Variants in SRGAP2C observed in about 807,000 individuals in gnomAD.
The protein encoded by SRGAP2C is SLIT-ROBO Rho GTPase activating protein 2C, also known as SLIT-ROBO Rho GTPase-activating protein 2C.
A neutral mutation model predicts 25.1 loss-of-function variants in SRGAP2C; 15 were observed. That is an observed-to-expected ratio of 0.60 (90% confidence interval 0.40 to 0.92). The LOEUF is 0.92. Among genes scored for constraint, SRGAP2C ranks in the 40% least tolerant of loss-of-function variants. SRGAP2C has a pLI of 0.00. For synonymous variants in SRGAP2C, 44 were observed against 96.6 expected, an observed-to-expected ratio of 0.46 and a Z score of 3.19; for missense variants, 144 against 264.4, an observed-to-expected ratio of 0.54 and a Z score of 3.16.
At chr1:121,371,031 T>A (rs1553350952) in intron 5 of SRGAP2C, among the ~76,000 whole-genome samples, 1 of 152,126 alleles carries the variant, frequency 6.6e-6, no homozygotes, top group African/African-American at 2.4e-5. Context: ...AATATGTGAT[T>A]TCAGTGTTTA....
Position 121,294,606 on chromosome 1 carries a change from A to T in SRGAP2C, c.260+9611A>T, listed in dbSNP as rs1414693537. 1.7e-4 allele frequency among the ~76,000 whole-genome samples: 13 copies of T among 76,276 alleles called. 4 individuals are homozygous for T. The highest frequency in any genetic ancestry group is 7.9e-4 in the Admixed American group (6 of 7,548). 50.0% of individuals were successfully genotyped at this position (76,276 alleles called of 152,430 possible). A position where few individuals can be genotyped will look rare whatever the true frequency, so the allele number is the denominator to read the frequency against. On this transcript the variant is annotated intron_variant, in intron 3 of 9. Transcript: ENST00000367123. ...GCATTGGCTGTTTTTTTTTTTTTTT[A>T]AATAGACTTCCTGTAAATTACCTTT...
At chr1:121,270,988 G>A (rs1553335238) in intron 2 of SRGAP2C, among the ~76,000 whole-genome samples, 3 of 151,156 alleles carry the variant, frequency 2.0e-5, no homozygotes, top group Non-Finnish European at 3.0e-5. Context: ...TAGTAGAGAC[G>A]GGGTTTCACT....
chr1:121,297,217 T>C (rs1199919370), intron 3 of SRGAP2C, among the ~76,000 whole-genome samples: 3 of 143,866 alleles, frequency 2.1e-5, no homozygotes, highest in Admixed American at 7.1e-5. Flanking sequence ...TGAGTCCTTT[T>C]TGGAGGAAGA....
At chr1:121,305,463 C>T (rs1446230964) in intron 3 of SRGAP2C, among the ~76,000 whole-genome samples, 5 of 51,842 alleles carry the variant, frequency 9.6e-5, no homozygotes, top group Non-Finnish European at 1.8e-4. Flanking sequence ...CATGCTTTGG[C>T]CTCTCTAATA....
rs782049420 is a variant in SRGAP2C, at chr1:121,374,882, C to T, written c.759C>T (p.Tyr253=). 2.6e-6 allele frequency: 2 copies of T among 779,468 alleles called. No homozygotes were observed. The highest frequency in any genetic ancestry group is 1.7e-5 in the African/African-American group (1 of 59,098). 48.3% of individuals were successfully genotyped at this position (779,468 alleles called of 1,614,324 possible). ...AGGCCATCAAAGCCCAGAATGAGTA[C>T]TTGCTGGCTTTGGAGGCAACCAATG... ...KLKAIKAQNE[Y]LLALEATNAS... Residue 253 remains tyrosine, a synonymous_variant, in exon 7 of 10, where the codon TAC becomes TAT. Coordinates refer to ENST00000367123, the MANE Select transcript of SRGAP2C (RefSeq NM_001329984.2).
intron 2 of SRGAP2C, among the ~76,000 whole-genome samples, chr1:121,219,062 C>G (rs1232121508): frequency 6.6e-6 from 1 of 152,098 alleles, no homozygotes; most frequent in African/African-American, 2.4e-5. Flanking sequence ...CATTCAACCT[C>G]TTTTTCATAG....
chr1:121,299,370 GAAA>G (rs1168458130), intron 3 of SRGAP2C, among the ~76,000 whole-genome samples: 1 of 141,746 alleles, frequency 7.1e-6, no homozygotes, highest in Non-Finnish European at 1.5e-5. Context: ...TAGAGAGAAT[GAAA>G]AAAAAAGTAG....
intron 3 of SRGAP2C, among the ~76,000 whole-genome samples, chr1:121,292,207 C>T (rs1553337751): frequency 1.3e-3 from 201 of 151,394 alleles, no homozygotes; most frequent in Non-Finnish European, 2.6e-3. Context: ...TGAGTTCTGC[C>T]CTTATCTTAG....
chr1:121,279,511 C>T (rs1657193943), intron 2 of SRGAP2C, among the ~76,000 whole-genome samples: 1 of 151,506 alleles, frequency 6.6e-6, no homozygotes, highest in Non-Finnish European at 1.5e-5. Context: ...AGGGCCCTGC[C>T]TGTTTTTGTT....
At chr1:121,222,586 C>A (rs587693248) in intron 2 of SRGAP2C, among the ~76,000 whole-genome samples, 27 of 152,240 alleles carry the variant, frequency 1.8e-4, no homozygotes, top group African/African-American at 5.5e-4. Context: ...GTAATCATGC[C>A]TCTACACTCT....
At chr1:121,295,710 GAAAT>G (rs1657581424) in intron 3 of SRGAP2C, among the ~76,000 whole-genome samples, 1 of 151,996 alleles carries the variant, frequency 6.6e-6, no homozygotes, top group Non-Finnish European at 1.5e-5. Flanking sequence ...ATCTTTAAAA[GAAAT>G]AGAGAGGGGC....
At chr1:121,223,058 C>T (rs1159898682) in intron 2 of SRGAP2C, among the ~76,000 whole-genome samples, 2 of 152,106 alleles carry the variant, frequency 1.3e-5, no homozygotes, top group African/African-American at 2.4e-5. Context: ...ATAAAGACTT[C>T]TTCTTCCGAA....
chr1:121,272,405 C>A (rs1345937834), intron 2 of SRGAP2C, among the ~76,000 whole-genome samples: 1 of 151,656 alleles, frequency 6.6e-6, no homozygotes, highest in Non-Finnish European at 1.5e-5. Flanking sequence ...GTTCCAGGGT[C>A]AGACTTTTCT....
rs1659753213 is a variant in SRGAP2C at position 121,379,344 on chromosome 1, AC to A, written c.832-3356del. Among the ~76,000 whole-genome samples the A allele has an allele frequency of 2.7e-5, 4 of 150,864 alleles. No homozygotes were observed. In the South Asian group the frequency reaches 8.5e-4, roughly 32 times the overall value. Reference sequence around the variant, plus strand: ...CTGGATGGGCTGTCATTAACTTCTTACAAAAATTTGATTTCCCCTGAGAGAT... The same window carrying A: ...CTGGATGGGCTGTCATTAACTTCTTAAAAAATTTGATTTCCCCTGAGAGAT... On this transcript the variant is annotated intron_variant, in intron 7 of 9. Coordinates refer to ENST00000367123, the MANE Select transcript of SRGAP2C (RefSeq NM_001329984.2).
intron 3 of SRGAP2C, among the ~76,000 whole-genome samples, chr1:121,323,403 G>T (rs1303107830): frequency 3.9e-5 from 6 of 151,944 alleles, no homozygotes; most frequent in Admixed American, 3.3e-4. Flanking sequence ...ATCACATGAG[G>T]TCGGGAGTTC....
chr1:121,329,176 A>C (rs1165820145), intron 4 of SRGAP2C, among the ~76,000 whole-genome samples: 2 of 150,584 alleles, frequency 1.3e-5, no homozygotes, highest in Non-Finnish European at 3.0e-5. Context: ...ATGCTGTTGC[A>C]CTTCAGTCTA....
chr1:121,335,391 A>AAATAAAT (rs1658492086), intron 4 of SRGAP2C, among the ~76,000 whole-genome samples: 3 of 135,314 alleles, frequency 2.2e-5, no homozygotes, highest in Admixed American at 7.5e-5. Context: ...AATAAATAAA[A>AAATAAAT]CAACCAATTC....
rs1303640518 is a variant in SRGAP2C at position 121,353,106 on chromosome 1, G to GA, written c.424-12179dup. Among the ~76,000 whole-genome samples, 206 of 148,114 alleles carry GA rather than the reference G, an allele frequency of 1.4e-3. 3 individuals are homozygous for GA. Among genetic ancestry groups the GA allele is most frequent in the African/African-American group, 4.8e-3 (192 of 40,006 alleles). On this transcript the variant is annotated intron_variant, in intron 4 of 9. Transcript: ENST00000367123. ...CTCCATCTCCAAAAAAAAGAAAAAA[G>GA]AAAAAAAATATAGATCTAAGTGAAT...
At position 121,191,426 on chromosome 1, in the gene SRGAP2C, TG is replaced by T. The variant is rs1378781977; in HGVS notation, c.67+3914del. On this transcript the variant is annotated intron_variant, in intron 2 of 9. Transcript: ENST00000367123. Reference sequence around the variant, plus strand: ...TAAATTGTTGTATTGGTATTTTTATTGTTTTTTTTTTTCTTGAATATTTTCC... The same window carrying T: ...TAAATTGTTGTATTGGTATTTTTATTTTTTTTTTTTTCTTGAATATTTTCC... Among the ~76,000 whole-genome samples, 303 of 151,876 alleles carry T rather than the reference TG, an allele frequency of 2.0e-3. 2 individuals are homozygous for T. Among genetic ancestry groups the T allele is most frequent in the Middle Eastern group, 6.9e-3 (2 of 290 alleles).
Sources: gnomAD v4.1 joint callset for allele counts (sites outside exome capture counted in the v4.1 genomes callset) on GRCh38, gnomAD v4.1.1 for gene constraint, MANE v1.5 for transcripts, NCBI Gene and HGNC (gene_info 2026-07-23, HGNC 2026-07-21) for gene names.